The following DRAXIN variants were observed in gnomAD, a reference collection of about 807,000 sequenced individuals.
The protein encoded by DRAXIN is dorsal repulsive axon guidance protein.
In DRAXIN, 27 loss-of-function variants were observed where a neutral mutation model predicts 33.9. The ratio of observed to expected loss-of-function variants is 0.80; its 90% CI spans 0.59 to 1.10. The LOEUF is 1.10. DRAXIN is among the 50% of genes least tolerant of loss of function. DRAXIN has a pLI of 0.00. For missense variants in DRAXIN, 371 were observed against 460.8 expected (o/e 0.81, Z 1.78); for synonymous variants, 178 against 194.0 (o/e 0.92, Z 0.69).
chr1:11,690,869 C>G (rs1340134542), upstream of DRAXIN, among the ~76,000 whole-genome samples: 5 of 152,104 alleles, frequency 3.3e-5, no homozygotes, highest in African/African-American at 4.8e-5. The surrounding 1 kb of genome is among the most constrained non-coding windows in gnomAD (Gnocchi z 4.2). Flanking sequence ...CGGGTTGGGC[C>G]GGTCTGAGAA....
chr1:11,702,298 C>T (rs911545366), intron 1 of DRAXIN, among the ~76,000 whole-genome samples: 3 of 143,084 alleles, frequency 2.1e-5, no homozygotes, highest in African/African-American at 5.3e-5. Flanking sequence ...CACTCACATG[C>T]TCACAGCACA....
rs1028993593 is a variant in DRAXIN, at chr1:11,725,614, C to G, written c.*5918C>G. On this transcript the variant is annotated 3_prime_UTR_variant, in exon 7 of 7. Coordinates refer to ENST00000294485, the MANE Select transcript of DRAXIN (RefSeq NM_198545.4). ...ACCAGCAATGACAAACTCCCAGGCT[C>G]TGAGGCCCAAGCCTCCTGGGCTGCA... 1.3e-5 allele frequency: 2 copies of G among 152,258 alleles called. No homozygotes were observed. Among genetic ancestry groups the G allele is most frequent in the Non-Finnish European group, 2.9e-5 (2 of 68,064 alleles). The allele number at this position is 152,258 out of a possible 1,614,324, so 9.4% of individuals were successfully genotyped here.
chr1:11,715,552 A>G (rs1478337931), intron 6 of DRAXIN, among the ~76,000 whole-genome samples: 1 of 151,060 alleles, frequency 6.6e-6, no homozygotes, highest in East Asian at 2.0e-4. Flanking sequence ...TTTAAATTAG[A>G]TCCAGCCTCA....
chr1:11,709,506 T>C, intron 3 of DRAXIN, 41 bp downstream of exon 3: 1 of 1,575,644 alleles, frequency 6.3e-7, no homozygotes, highest in Non-Finnish European at 8.6e-7. Flanking sequence ...GAAGGGTCCT[T>C]GAGCCCATGT....
chr1:11,714,102 G>A (rs1380916521), intron 5 of DRAXIN, among the ~76,000 whole-genome samples: 1 of 152,178 alleles, frequency 6.6e-6, no homozygotes, highest in African/African-American at 2.4e-5. Flanking sequence ...GTATTCAGGA[G>A]GCTAAGGCAG....
rs1641732179 is a variant in DRAXIN, at chr1:11,725,445, G to C, written c.*5749G>C. 1 of 152,228 alleles carries C rather than the reference G, an allele frequency of 6.6e-6. No homozygotes were observed. The highest frequency in any genetic ancestry group is 6.5e-5 in the Admixed American group (1 of 15,276). The allele number at this position is 152,228 out of a possible 1,614,324, so 9.4% of individuals were successfully genotyped here. A position where few individuals can be genotyped will look rare whatever the true frequency, so the allele number is the denominator to read the frequency against. Reference sequence around the variant, plus strand: ...TCACAAGTTCTCCAGGTCATTCTTGGGCACGATCAAATTTGAGAATCACAG... The same window carrying C: ...TCACAAGTTCTCCAGGTCATTCTTGCGCACGATCAAATTTGAGAATCACAG... On this transcript the variant is annotated 3_prime_UTR_variant, in exon 7 of 7. Transcript: ENST00000294485.
intron 1 of DRAXIN, among the ~76,000 whole-genome samples, chr1:11,701,397 G>GA (rs1224465139): frequency 6.6e-6 from 1 of 152,190 alleles, no homozygotes; most frequent in Non-Finnish European, 1.5e-5. Flanking sequence ...TAAAACCATG[G>GA]AAAAGTCTCC....
rs761284008 is a variant in DRAXIN at position 11,706,443 on chromosome 1, C to T, written c.185C>T (p.Pro62Leu). 86 of 1,611,308 alleles carry T rather than the reference C, an allele frequency of 5.3e-5. No homozygotes were observed. The highest frequency in any genetic ancestry group is 5.6e-5 in the Non-Finnish European group (66 of 1,179,304). The change falls in exon 2 of 7, where the codon CCG becomes CTG. Residue 62 changes from proline to leucine, a missense_variant. Pro to Leu is a moderately conservative substitution (Grantham distance 98). Coordinates refer to ENST00000294485, the MANE Select transcript of DRAXIN (RefSeq NM_198545.4). The surrounding 1 kb of genome is among the most constrained non-coding windows in gnomAD (Gnocchi z 5.5). ...GCCAGCCACCACCGCCGGCGGGGCCCGGGCAAGAAGGAGTGGGGCCCAGGC... is the reference window on the plus strand; with the variant it reads ...GCCAGCCACCACCGCCGGCGGGGCCTGGGCAAGAAGGAGTGGGGCCCAGGC... ...PQASHHRRRG[P>L]GKKEWGPGLP... is the part of the protein sequence containing the mutation.
upstream of DRAXIN, among the ~76,000 whole-genome samples, chr1:11,691,129 A>G (rs1027620667): frequency 3.3e-5 from 5 of 152,036 alleles, no homozygotes; most frequent in Non-Finnish European, 5.9e-5. Flanking sequence ...CTGCGGCTAC[A>G]AAGGCCCCGC....
chr1:11,711,073 C>A (rs1641488451), intron 3 of DRAXIN, among the ~76,000 whole-genome samples: 1 of 152,176 alleles, frequency 6.6e-6, no homozygotes, highest in African/African-American at 2.4e-5. Context: ...GAATAGATCA[C>A]CTGAGGTCAG....
chr1:11,690,904 C>A (rs532891556), upstream of DRAXIN, among the ~76,000 whole-genome samples: 3 of 152,040 alleles, frequency 2.0e-5, no homozygotes, highest in South Asian at 4.2e-4. The surrounding 1 kb of genome is among the most constrained non-coding windows in gnomAD (Gnocchi z 4.2). Context: ...TTGGACGGGG[C>A]GTGGCGAGAG....
chr1:11,701,926 G>A (rs1641280914), intron 1 of DRAXIN, among the ~76,000 whole-genome samples: 1 of 152,164 alleles, frequency 6.6e-6, no homozygotes, highest in Non-Finnish European at 1.5e-5. Flanking sequence ...CAGTTGCTGG[G>A]CTGTGCCAAG....
Position 11,719,794 on chromosome 1 carries a change from C to A in DRAXIN, c.*98C>A. The A allele has an allele frequency of 9.0e-7, 1 of 1,112,356 alleles. No individual in the cohort carries two copies. Among genetic ancestry groups the A allele is most frequent in the Non-Finnish European group, 1.3e-6 (1 of 753,606 alleles). The allele number at this position is 1,112,356 out of a possible 1,614,324, so 68.9% of individuals were successfully genotyped here. A position where few individuals can be genotyped will look rare whatever the true frequency, so the allele number is the denominator to read the frequency against. On this transcript the variant is annotated 3_prime_UTR_variant, in exon 7 of 7. Coordinates refer to ENST00000294485, the MANE Select transcript of DRAXIN (RefSeq NM_198545.4). ...GGAGATCAAGTTGGGGAACAGATGG[C>A]TGAGGCTGCAGACTCAGGCCCAGGA...
In DRAXIN at chr1:11,706,381, C is replaced by G. The variant is rs1469286051; in HGVS notation, c.123C>G (p.His41Gln). 6.2e-7 allele frequency: 1 copy of G among 1,613,664 alleles called. No individual in the cohort carries two copies. The highest frequency in any genetic ancestry group is 1.7e-4 in the Middle Eastern group (1 of 6,008). Residue 41 changes from histidine (H) to glutamine (Q), a missense_variant, in exon 2 of 7, where the codon CAC becomes CAG. Physicochemically the swap from His to Gln is conservative, Grantham distance 24. Transcript: ENST00000294485. This position sits in a 1 kb window ranked among gnomAD's most constrained non-coding sequence, Gnocchi z 5.5. Reference sequence around the variant, plus strand: ...CTGCCCGGAACCTCCCTGAGAATCACATTGACCTCCCAGGCCCAGCGCTGT... The same window carrying G: ...CTGCCCGGAACCTCCCTGAGAATCAGATTGACCTCCCAGGCCCAGCGCTGT... ...GTPARNLPEN[H>Q]IDLPGPALWT... is the part of the protein sequence containing the mutation.
rs1038678697 is a variant in DRAXIN at position 11,706,402 on chromosome 1, G to A, written c.144G>A (p.Ala48=). Residue 48 remains alanine, a synonymous_variant, in exon 2 of 7, where the codon GCG becomes GCA. Transcript: ENST00000294485. The surrounding 1 kb of genome is among the most constrained non-coding windows in gnomAD (Gnocchi z 5.5). ...ATCACATTGACCTCCCAGGCCCAGC[G>A]CTGTGGACGCCTCAGGCCAGCCACC... is the stretch of plus-strand genomic sequence containing the variant. The part of the protein sequence containing the change: ...PENHIDLPGP[A]LWTPQASHHR... 10 of 1,612,912 alleles carry A rather than the reference G, an allele frequency of 6.2e-6. No individual in the cohort carries two copies. Among genetic ancestry groups the A allele is most frequent in the Middle Eastern group, 1.7e-4 (1 of 5,804 alleles).
rs1641693695 is a variant in DRAXIN, at chr1:11,724,161, C to T, written c.*4465C>T. 1 of 152,248 alleles carries T rather than the reference C, an allele frequency of 6.6e-6. No individual in the cohort carries two copies. The highest frequency in any genetic ancestry group is 2.1e-4 in the South Asian group (1 of 4,834). 9.4% of individuals were successfully genotyped at this position (152,248 alleles called of 1,614,324 possible). ...GAGGTTTGGAAAACTGTTCTGGCCT[C>T]AGCCCTTGGCAGCATGTGCAGATTC... On this transcript the variant is annotated 3_prime_UTR_variant, in exon 7 of 7. Transcript: ENST00000294485.
chr1:11,715,333 T>TGCG (rs1641559216), intron 6 of DRAXIN, 125 bp downstream of exon 6: 2 of 1,182,640 alleles, frequency 1.7e-6, no homozygotes, highest in East Asian at 2.5e-5. Context: ...ATCATGGGCC[T>TGCG]GCGGCGGGGG....
In DRAXIN at chr1:11,715,233, G is replaced by T. The variant is rs750386196; in HGVS notation, c.937+25G>T. The T allele has an allele frequency of 5.6e-6, 9 of 1,613,846 alleles. No individual in the cohort carries two copies. In the Middle Eastern group the frequency reaches 9.9e-4, roughly 178 times the overall value. On this transcript the variant is annotated intron_variant, in intron 6 of 6. Transcript: ENST00000294485. The stretch of plus-strand genomic sequence containing the variant: ...GGTGGGTCCAGACTCCTTTGCGGGG[G>T]GCTACCCATGCTCTGAGAACCACAA...
chr1:11,688,845 A>C (rs1641008488), upstream of DRAXIN, among the ~76,000 whole-genome samples: 1 of 152,212 alleles, frequency 6.6e-6, no homozygotes, highest in African/African-American at 2.4e-5. The surrounding 1 kb of genome is among the most constrained non-coding windows in gnomAD (Gnocchi z 4.6). Flanking sequence ...CCTTGCTGAT[A>C]AAACAGTTTG....
Sources: gnomAD v4.1 joint callset for allele counts (sites outside exome capture counted in the v4.1 genomes callset) on GRCh38, gnomAD v4.1.1 for gene constraint, Gnocchi (gnomAD v3.1) non-coding constraint, MANE v1.5 for transcripts, NCBI Gene and HGNC (gene_info 2026-07-23, HGNC 2026-07-21) for gene names.